Variants in ERCC8 observed in about 807,000 individuals in gnomAD.
ERCC8 encodes ERCC excision repair 8, CSA ubiquitin ligase complex subunit, also known as DNA excision repair protein ERCC-8.
Under a neutral mutation model 54.9 loss-of-function variants are expected in ERCC8, and 52 were observed. The ratio of observed to expected loss-of-function variants is 0.95; its 90% CI spans 0.76 to 1.19. The LOEUF is 1.19. Ranked by LOEUF, ERCC8 falls within the 50% of genes most tolerant of loss-of-function variation. The pLI is 0.00. For synonymous variants in ERCC8, 146 were observed against 157.2 expected, an observed-to-expected ratio of 0.93 and a Z score of 0.53; for missense variants, 514 against 466.1, an observed-to-expected ratio of 1.10 and a Z score of -0.95.
rs1747790706 is a variant in ERCC8, at chr5:60,868,095, G to A, written c.*6520C>T. On this transcript the variant is annotated 3_prime_UTR_variant, in exon 12 of 12. Transcript: ENST00000676185. The stretch of plus-strand genomic sequence containing the variant: ...CTTGGGAGGCTGAGGCAGGAGAATC[G>A]CTTGAACCCAGGAGGCGGAGGTTGC... Among the ~76,000 whole-genome samples the A allele has an allele frequency of 6.6e-6, 1 of 152,172 alleles. No homozygotes were observed. The highest frequency in any genetic ancestry group is 6.5e-5 in the Admixed American group (1 of 15,274).
chr5:60,893,000 G>A, intron 9 of ERCC8: 1 of 776,258 alleles, frequency 1.3e-6, no homozygotes, highest in South Asian at 1.3e-5. Flanking sequence ...GCTGGGTCCT[G>A]GCCTTGAAAG....
intron 2 of ERCC8, among the ~76,000 whole-genome samples, chr5:60,923,128 TA>T (rs1300091630): frequency 2.0e-5 from 3 of 151,992 alleles, no homozygotes; most frequent in African/African-American, 7.2e-5. Context: ...AAGAGGGTGC[TA>T]AAAAATTAGC....
Position 60,940,444 on chromosome 5 carries a change from G to A in ERCC8, c.77+4488C>T, listed in dbSNP as rs142727106. Reference sequence around the variant, plus strand: ...CCCAGACTTGGGCCTAAACTTGGAAGCGTATGGCAGAACAGGGTAACTGAA... The same window carrying A: ...CCCAGACTTGGGCCTAAACTTGGAAACGTATGGCAGAACAGGGTAACTGAA... On this transcript the variant is annotated intron_variant, in intron 1 of 11. Coordinates refer to ENST00000676185, the MANE Select transcript of ERCC8 (RefSeq NM_000082.4). Among the ~76,000 whole-genome samples, 6 of 152,352 alleles carry A rather than the reference G, an allele frequency of 3.9e-5. 1 individual carries two copies. Among genetic ancestry groups the A allele is most frequent in the African/African-American group, 9.6e-5 (4 of 41,580 alleles).
Position 60,872,832 on chromosome 5 carries a change from A to C in ERCC8, c.*1783T>G, listed in dbSNP as rs547080042. Among the ~76,000 whole-genome samples, 1 of 152,374 alleles carries C rather than the reference A, an allele frequency of 6.6e-6. No homozygotes were observed. Among genetic ancestry groups the C allele is most frequent in the African/African-American group, 2.4e-5 (1 of 41,588 alleles). On this transcript the variant is annotated 3_prime_UTR_variant, in exon 12 of 12. Coordinates refer to ENST00000676185, the MANE Select transcript of ERCC8 (RefSeq NM_000082.4). The stretch of plus-strand genomic sequence containing the variant: ...ACTGGGCTTATATCCAAAGGATATG[A>C]AATCAGTATGTCAAAGAGATATCTG...
At chr5:60,916,119 T>G (rs1749428248) in intron 4 of ERCC8, among the ~76,000 whole-genome samples, 1 of 152,058 alleles carries the variant, frequency 6.6e-6, no homozygotes, top group African/African-American at 2.4e-5. Flanking sequence ...TGGTCTCGCA[T>G]AGCTTGGTCA....
chr5:60,885,097 T>C (rs1284638601), intron 11 of ERCC8, among the ~76,000 whole-genome samples: 2 of 152,026 alleles, frequency 1.3e-5, no homozygotes, highest in Non-Finnish European at 2.9e-5. Flanking sequence ...ACTGTAGCCT[T>C]GAACTCTTGG....
At chr5:60,919,365 A>C (rs982176433) in intron 3 of ERCC8, 2 of 151,908 alleles carry the variant, frequency 1.3e-5, no homozygotes, top group African/African-American at 4.8e-5. Context: ...ATATGTTTGA[A>C]ATTTCCCATA....
chr5:60,935,339 G>C (rs1750033196), intron 1 of ERCC8, among the ~76,000 whole-genome samples: 1 of 152,118 alleles, frequency 6.6e-6, no homozygotes, highest in African/African-American at 2.4e-5. Context: ...CCTCAGCTTG[G>C]TCACTGTTGG....
intron 1 of ERCC8, among the ~76,000 whole-genome samples, chr5:60,937,314 C>T (rs573033090): frequency 2.0e-5 from 3 of 152,348 alleles, no homozygotes; most frequent in Admixed American, 2.0e-4. Flanking sequence ...AGAAAGGATA[C>T]ATGCTTGCCC....
At chr5:60,893,739 G>T (rs1414775209) in intron 9 of ERCC8, 1 of 403,158 alleles carries the variant, frequency 2.5e-6, no homozygotes, top group East Asian at 4.8e-5. Flanking sequence ...CGCCCACTGG[G>T]CAGTCTCCAC....
chr5:60,942,673 C>A (rs146860724), intron 1 of ERCC8, among the ~76,000 whole-genome samples: 106 of 152,146 alleles, frequency 7.0e-4, no homozygotes, highest in Admixed American at 1.7e-3. Context: ...TTATAAATGA[C>A]CGTCAAAAAT....
At chr5:60,882,631 C>T (rs1748270382) in intron 11 of ERCC8, among the ~76,000 whole-genome samples, 1 of 152,106 alleles carries the variant, frequency 6.6e-6, no homozygotes, top group South Asian at 2.1e-4. Context: ...TTGTGATCTG[C>T]CAGCCTTGGC....
At chr5:60,889,382 G>A (rs760774979) in intron 10 of ERCC8, among the ~76,000 whole-genome samples, 2 of 152,034 alleles carry the variant, frequency 1.3e-5, no homozygotes, top group Non-Finnish European at 2.9e-5. Context: ...GTGTGAACAC[G>A]GCTCACTCAA....
intron 9 of ERCC8, chr5:60,893,118 C>G: frequency 1.3e-6 from 1 of 781,266 alleles, no homozygotes; most frequent in African/African-American, 1.7e-5. Flanking sequence ...GCCTTCTGCC[C>G]ATAGGATAGC....
intron 9 of ERCC8, among the ~76,000 whole-genome samples, chr5:60,894,429 A>G (rs764804312): frequency 6.6e-6 from 1 of 152,268 alleles, no homozygotes; most frequent in Non-Finnish European, 1.5e-5. Flanking sequence ...TATATAAATC[A>G]TAATTATGAA....
At chr5:60,901,717 T>C (rs1748910213) in intron 7 of ERCC8, among the ~76,000 whole-genome samples, 1 of 152,040 alleles carries the variant, frequency 6.6e-6, no homozygotes, top group Admixed American at 6.6e-5. Flanking sequence ...TACTACCCAC[T>C]TCTGTGTATT....
rs1334737334 is a variant in ERCC8, at chr5:60,869,194, TAAC to T, written c.*5418_*5420del. On this transcript the variant is annotated 3_prime_UTR_variant, in exon 12 of 12. Transcript: ENST00000676185. Reference sequence around the variant, plus strand: ...AGTAGTTATATCATTTTTATAGAAATAACAAAGTATTAGTATATTACTCAACAG... The same window carrying T: ...AGTAGTTATATCATTTTTATAGAAATAAAGTATTAGTATATTACTCAACAG... 1.3e-5 allele frequency among the ~76,000 whole-genome samples: 2 copies of T among 152,212 alleles called. No individual in the cohort carries two copies. The highest frequency in any genetic ancestry group is 4.8e-5 in the African/African-American group (2 of 41,464).
chr5:60,884,523 G>GT (rs71606648), intron 11 of ERCC8, among the ~76,000 whole-genome samples: 20,387 of 127,958 alleles, frequency 0.16, 2,422 homozygotes, highest in African/African-American at 0.33. Context: ...GTGTGTATGT[G>GT]TTTTTTTTTT....
chr5:60,894,853 C>T (rs565470569), intron 9 of ERCC8, among the ~76,000 whole-genome samples: 18 of 152,002 alleles, frequency 1.2e-4, no homozygotes, highest in Non-Finnish European at 2.4e-4. Flanking sequence ...AATCCACTGT[C>T]GTCAGGGCTA....
Sources: allele counts gnomAD v4.1 joint callset (sites outside exome capture counted in the v4.1 genomes callset), GRCh38; gene constraint gnomAD v4.1.1; transcripts MANE v1.5; gene names NCBI Gene and HGNC (gene_info 2026-07-23, HGNC 2026-07-21).